ADAMTSL1: variants seen among roughly 807,000 people sequenced by gnomAD.
ADAMTSL1 encodes the protein ADAMTS-like protein 1.
In ADAMTSL1, 126 loss-of-function variants were observed where a neutral mutation model predicts 201.8. That is an observed-to-expected ratio of 0.62 (90% CI 0.54 to 0.72). The LOEUF (loss-of-function observed/expected upper bound fraction) is 0.72. Among genes scored for constraint, ADAMTSL1 ranks in the 30% least tolerant of loss-of-function variants. The probability of loss-of-function intolerance (pLI) is 0.00; values close to 1 mark genes in which losing one functional copy is unlikely to be tolerated. For synonymous variants in ADAMTSL1, 1,121 were observed against 903.4 expected, an observed-to-expected ratio of 1.24 and a Z score of -4.32; for missense variants, 2,679 against 2,277.8, an observed-to-expected ratio of 1.18 and a Z score of -3.59.
chr9:17,966,895 T>C (rs1817998371), intron 1 of ADAMTSL1, among the ~76,000 whole-genome samples: 1 of 152,138 alleles, frequency 6.6e-6, no homozygotes, highest in Non-Finnish European at 1.5e-5. Context: ...ATTTAGTAGT[T>C]ACCAAGATAA....
chr9:18,845,624 A>G (rs1369091375), intron 23 of ADAMTSL1, among the ~76,000 whole-genome samples: 1 of 152,236 alleles, frequency 6.6e-6, no homozygotes, highest in Non-Finnish European at 1.5e-5. Context: ...CAGGCAGCTT[A>G]TGCATTTTTT....
intron 2 of ADAMTSL1, among the ~76,000 whole-genome samples, chr9:18,281,223 A>G (rs1035838749): frequency 1.1e-4 from 16 of 152,236 alleles, no homozygotes; most frequent in African/African-American, 3.9e-4. Context: ...AAATTAATAT[A>G]ATAAACAAAT....
chr9:18,286,883 CAA>C (rs1833011368), intron 2 of ADAMTSL1, among the ~76,000 whole-genome samples: 1 of 152,100 alleles, frequency 6.6e-6, no homozygotes, highest in Non-Finnish European at 1.5e-5. Flanking sequence ...CCTTAAATAA[CAA>C]AGAGAATATT....
chr9:18,201,061 T>C (rs1320593375), intron 2 of ADAMTSL1, among the ~76,000 whole-genome samples: 1 of 152,166 alleles, frequency 6.6e-6, no homozygotes, highest in East Asian at 1.9e-4. Context: ...AAATTCCTGA[T>C]TGGGTCCCTT....
intron 1 of ADAMTSL1, among the ~76,000 whole-genome samples, chr9:17,995,845 A>G (rs1011561468): frequency 3.3e-5 from 5 of 151,628 alleles, no homozygotes; most frequent in Admixed American, 3.3e-4. Flanking sequence ...ATCCAGGTTC[A>G]AATCCTGGCT....
At chr9:18,830,009 A>T (rs1824875570) in intron 23 of ADAMTSL1, 32 bp downstream of exon 23, 2 of 1,580,620 alleles carry the variant, frequency 1.3e-6, no homozygotes, top group Non-Finnish European at 1.7e-6. Flanking sequence ...ATTGGGCAGA[A>T]AGCCAGGACT....
At chr9:18,569,665 AG>A (rs889279437) in intron 3 of ADAMTSL1, among the ~76,000 whole-genome samples, 9 of 152,284 alleles carry the variant, frequency 5.9e-5, no homozygotes, top group African/African-American at 1.9e-4. Flanking sequence ...GGTTCTTGTT[AG>A]GGAATGGAAT....
At chr9:18,308,077 C>A (rs187756675) in intron 2 of ADAMTSL1, among the ~76,000 whole-genome samples, 2 of 152,200 alleles carry the variant, frequency 1.3e-5, no homozygotes, top group East Asian at 3.9e-4. Context: ...TCTGAACAAC[C>A]TGCTCCTGAA....
At chr9:18,227,710 T>C (rs1830482081) in intron 2 of ADAMTSL1, among the ~76,000 whole-genome samples, 1 of 152,174 alleles carries the variant, frequency 6.6e-6, no homozygotes, top group Admixed American at 6.6e-5. Context: ...ATTAATCTCT[T>C]TGAAACCTTC....
intron 23 of ADAMTSL1, among the ~76,000 whole-genome samples, chr9:18,872,685 G>A (rs986306309): frequency 1.3e-5 from 2 of 152,134 alleles, no homozygotes; most frequent in African/African-American, 4.8e-5. Context: ...TTTTATGGAT[G>A]AGTAGTATTC....
chr9:18,180,234 C>T (rs140906654), intron 2 of ADAMTSL1, among the ~76,000 whole-genome samples: 30 of 152,062 alleles, frequency 2.0e-4, no homozygotes, highest in African/African-American at 3.6e-4. Flanking sequence ...TCCTAGTCTC[C>T]GATAAAACAG....
Position 18,775,657 on chromosome 9 carries a change from A to C in ADAMTSL1, c.2398-86A>C, listed in dbSNP as rs1820931436. ...TATTGCTTTTCCAAGCAAATTTCTC[A>C]TATTTTGATGAGTTTGACAGTCTAT... On this transcript the variant is annotated intron_variant, in intron 17 of 28. Transcript: ENST00000380548. The C allele has an allele frequency of 3.3e-6, 5 of 1,511,542 alleles. No homozygotes were observed. In the South Asian group the frequency reaches 4.8e-5, roughly 15 times the overall value. The allele number at this position is 1,511,542 out of a possible 1,614,324, so 93.6% of individuals were successfully genotyped here.
chr9:18,033,283 T>C (rs1821054174), intron 1 of ADAMTSL1, among the ~76,000 whole-genome samples: 1 of 152,192 alleles, frequency 6.6e-6, no homozygotes, highest in South Asian at 2.1e-4. Context: ...GTCTGTCATC[T>C]AATGGGTGTA....
At chr9:18,461,182 G>C (rs1820793274) in intron 2 of ADAMTSL1, among the ~76,000 whole-genome samples, 1 of 152,094 alleles carries the variant, frequency 6.6e-6, no homozygotes, top group Non-Finnish European at 1.5e-5. Context: ...GTAAGTATTA[G>C]TTTTTACAGA....
At chr9:18,283,279 C>A (rs1457222863) in intron 2 of ADAMTSL1, among the ~76,000 whole-genome samples, 1 of 152,092 alleles carries the variant, frequency 6.6e-6, no homozygotes, top group Non-Finnish European at 1.5e-5. Context: ...TGCTCATCCT[C>A]TGCGTGATGT....
chr9:18,686,848 A>G (rs1352381784), intron 13 of ADAMTSL1, among the ~76,000 whole-genome samples: 1 of 152,236 alleles, frequency 6.6e-6, no homozygotes, highest in African/African-American at 2.4e-5. Flanking sequence ...ACCATCGTCA[A>G]CCATATTTTG....
chr9:18,153,443 A>G (rs969289183), intron 1 of ADAMTSL1, among the ~76,000 whole-genome samples: 1 of 152,056 alleles, frequency 6.6e-6, no homozygotes, highest in Non-Finnish European at 1.5e-5. Flanking sequence ...TACCACTCAT[A>G]TATTTATAGA....
chr9:17,962,622 G>C (rs567674510), intron 1 of ADAMTSL1, among the ~76,000 whole-genome samples: 1 of 152,170 alleles, frequency 6.6e-6, no homozygotes, highest in Non-Finnish European at 1.5e-5. Context: ...TGTGCTTCAA[G>C]TTCAGAACTA....
At chr9:18,601,752 A>G (rs1280400194) in intron 4 of ADAMTSL1, among the ~76,000 whole-genome samples, 1 of 151,668 alleles carries the variant, frequency 6.6e-6, no homozygotes, top group Non-Finnish European at 1.5e-5. Context: ...ATATATACAC[A>G]TTTATATATT....
Sources: gnomAD v4.1 joint callset for allele counts (sites outside exome capture counted in the v4.1 genomes callset) on GRCh38, gnomAD v4.1.1 for gene constraint, MANE v1.5 for transcripts, NCBI Gene and HGNC (gene_info 2026-07-23, HGNC 2026-07-21) for gene names.